The following AGBL4 variants were observed in gnomAD, a reference collection of about 807,000 sequenced individuals.
The protein encoded by AGBL4 is AGBL carboxypeptidase 4, also known as cytosolic carboxypeptidase 6.
Under a neutral mutation model 66.4 loss-of-function variants are expected in AGBL4, and 58 were observed. The observed-to-expected ratio is 0.87, with a 90% CI of 0.71 to 1.09. AGBL4 has a LOEUF of 1.09. AGBL4 is among the 50% of genes least tolerant of loss of function. The probability of loss-of-function intolerance (pLI) is 0.00; values close to 1 mark genes in which losing one functional copy is unlikely to be tolerated. For missense variants in AGBL4, 579 were observed against 631.0 expected (o/e 0.92, Z 0.88); for synonymous variants, 234 against 222.9 (o/e 1.05, Z -0.44).
chr1:49,872,209 C>A (rs1646853920), intron 1 of AGBL4, among the ~76,000 whole-genome samples: 1 of 151,952 alleles, frequency 6.6e-6, no homozygotes, highest in South Asian at 2.1e-4. Context: ...CTCTCATGAG[C>A]AAAATTTAAA....
chr1:48,869,367 C>T (rs1648422521), intron 5 of AGBL4, among the ~76,000 whole-genome samples: 1 of 152,176 alleles, frequency 6.6e-6, no homozygotes, highest in Admixed American at 6.5e-5. Context: ...GCTTAAGCTG[C>T]CTTTGCCAAG....
At chr1:48,913,999 T>A (rs998253277) in intron 5 of AGBL4, among the ~76,000 whole-genome samples, 1 of 152,122 alleles carries the variant, frequency 6.6e-6, no homozygotes, top group African/African-American at 2.4e-5. Context: ...AGTGGAGATA[T>A]CAAGTGGGAA....
chr1:49,754,941 G>A (rs1249739801), intron 2 of AGBL4, among the ~76,000 whole-genome samples: 2 of 152,128 alleles, frequency 1.3e-5, no homozygotes, highest in Non-Finnish European at 2.9e-5. Flanking sequence ...TCTTCTTTGG[G>A]GAAGTCAATC....
At chr1:48,623,427 A>G (rs1645448422) in intron 9 of AGBL4, among the ~76,000 whole-genome samples, 1 of 152,200 alleles carries the variant, frequency 6.6e-6, no homozygotes, top group Non-Finnish European at 1.5e-5. Flanking sequence ...AAATAGGGGC[A>G]ATTTCCTGAT....
chr1:49,907,726 A>T (rs1650415997), intron 1 of AGBL4, among the ~76,000 whole-genome samples: 2 of 152,286 alleles, frequency 1.3e-5, no homozygotes, highest in South Asian at 4.1e-4. Flanking sequence ...TGCTCTGTAT[A>T]TAATTATAAT....
At chr1:48,748,164 A>G (rs1651060158) in intron 6 of AGBL4, among the ~76,000 whole-genome samples, 1 of 152,204 alleles carries the variant, frequency 6.6e-6, no homozygotes, top group Non-Finnish European at 1.5e-5. Context: ...ACAATGAAGG[A>G]GTTAAACAAA....
intron 5 of AGBL4, among the ~76,000 whole-genome samples, chr1:48,959,004 C>T (rs1331251876): frequency 6.6e-6 from 1 of 152,160 alleles, no homozygotes; most frequent in Non-Finnish European, 1.5e-5. Context: ...GGATTTCTGC[C>T]CATGAATCTT....
intron 1 of AGBL4, among the ~76,000 whole-genome samples, chr1:49,918,476 G>C (rs887175495): frequency 3.3e-5 from 5 of 152,090 alleles, no homozygotes; most frequent in Non-Finnish European, 5.9e-5. Flanking sequence ...AAATAAACTA[G>C]AAAATCTAGA....
At chr1:49,758,911 C>T (rs1652100582) in intron 2 of AGBL4, among the ~76,000 whole-genome samples, 1 of 152,058 alleles carries the variant, frequency 6.6e-6, no homozygotes, top group South Asian at 2.1e-4. Flanking sequence ...TGTGTCCCCA[C>T]CCAAATCTCA....
intron 3 of AGBL4, among the ~76,000 whole-genome samples, chr1:49,588,546 T>C (rs1644694971): frequency 6.6e-6 from 1 of 152,170 alleles, no homozygotes; most frequent in Admixed American, 6.6e-5. Flanking sequence ...GAAGCAATAC[T>C]TCAAAGTTAC....
chr1:48,778,422 A>T (rs1055719574), intron 6 of AGBL4, among the ~76,000 whole-genome samples: 1 of 152,176 alleles, frequency 6.6e-6, no homozygotes, highest in African/African-American at 2.4e-5. Flanking sequence ...TTTACAATCT[A>T]GTCTAGGAGT....
chr1:49,957,740 A>C (rs1249909240), intron 1 of AGBL4, among the ~76,000 whole-genome samples: 2 of 151,602 alleles, frequency 1.3e-5, no homozygotes, highest in Non-Finnish European at 2.9e-5. Context: ...CCTTTATTTT[A>C]AGCCTATGTG....
chr1:48,617,587 G>C (rs1206949802), intron 9 of AGBL4, among the ~76,000 whole-genome samples: 1 of 152,138 alleles, frequency 6.6e-6, no homozygotes, highest in Non-Finnish European at 1.5e-5. Context: ...ACGTGCTTCT[G>C]TTCATGTGAT....
chr1:49,488,463 G>A (rs1212660774), intron 3 of AGBL4, among the ~76,000 whole-genome samples: 1 of 151,348 alleles, frequency 6.6e-6, no homozygotes, highest in East Asian at 1.9e-4. Context: ...ACATTTTGAT[G>A]TAAGTTTACA....
At chr1:49,999,907 A>G (rs927294339) in intron 1 of AGBL4, among the ~76,000 whole-genome samples, 10 of 152,156 alleles carry the variant, frequency 6.6e-5, no homozygotes, top group African/African-American at 2.4e-4. Flanking sequence ...CTCTCACCCT[A>G]TACAAAAACC....
chr1:48,769,716 A>G (rs1400860992), intron 6 of AGBL4, among the ~76,000 whole-genome samples: 2 of 152,152 alleles, frequency 1.3e-5, no homozygotes, highest in East Asian at 3.9e-4. Flanking sequence ...ACAGTTATCT[A>G]TATTTAATGA....
At chr1:49,263,884 A>G (rs1653476045) in intron 3 of AGBL4, among the ~76,000 whole-genome samples, 1 of 152,178 alleles carries the variant, frequency 6.6e-6, no homozygotes. Context: ...AAAAGTAACT[A>G]AAACCGCTTA....
intron 1 of AGBL4, among the ~76,000 whole-genome samples, chr1:50,012,448 C>T (rs1333419418): frequency 2.0e-5 from 3 of 151,950 alleles, no homozygotes; most frequent in Admixed American, 2.0e-4. Flanking sequence ...ATCAAAACAT[C>T]ACATGTACCC....
chr1:49,950,473 TG>T (rs1285507711), intron 1 of AGBL4, among the ~76,000 whole-genome samples: 5 of 151,530 alleles, frequency 3.3e-5, no homozygotes, highest in African/African-American at 1.2e-4. Context: ...GCTCAGGTGG[TG>T]GGTGCACCAA....
Sources: gnomAD v4.1 joint callset for allele counts (sites outside exome capture counted in the v4.1 genomes callset) on GRCh38, gnomAD v4.1.1 for gene constraint, MANE v1.5 for transcripts, NCBI Gene and HGNC (gene_info 2026-07-23, HGNC 2026-07-21) for gene names.